The following NSL1 variants were observed in gnomAD, a reference collection of about 807,000 sequenced individuals.
The protein encoded by NSL1 is NSL1 component of MIS12 kinetochore complex, also known as kinetochore-associated protein NSL1 homolog.
NSL1 carries 11 observed loss-of-function variants against 25.4 expected under a neutral mutation model. That is an observed-to-expected ratio of 0.43 (90% CI 0.27 to 0.72). The LOEUF (loss-of-function observed/expected upper bound fraction) is 0.72. NSL1 is among the 30% of genes least tolerant of loss of function. The pLI, the probability that NSL1 is intolerant of heterozygous loss-of-function variation, is 0.19. For missense variants in NSL1, 330 were observed against 342.7 expected, an observed-to-expected ratio of 0.96 and a Z score of 0.29; for synonymous variants, 118 against 120.6, an observed-to-expected ratio of 0.98 and a Z score of 0.14.
Position 212,727,087 on chromosome 1 carries a change from T to C in NSL1, c.*11321A>G. 2 of 1,477,146 alleles carry C rather than the reference T, an allele frequency of 1.4e-6. No homozygotes were observed. Among genetic ancestry groups the C allele is most frequent in the Middle Eastern group, 2.3e-4 (1 of 4,372 alleles). The allele number at this position is 1,477,146 out of a possible 1,614,324, so 91.5% of individuals were successfully genotyped here. A position where few individuals can be genotyped will look rare whatever the true frequency, so the allele number is the denominator to read the frequency against. ...GGGTCACCCAGCTTCATCCTCTTCA[T>C]CTTGCCAGTTCACCAGAGGCAGAAG... On this transcript the variant is annotated 3_prime_UTR_variant, in exon 6 of 6. Coordinates refer to ENST00000366977, the MANE Select transcript of NSL1 (RefSeq NM_015471.4).
Position 212,727,501 on chromosome 1 carries a change from A to C in NSL1, c.*10907T>G. 1 of 985,434 alleles carries C rather than the reference A, an allele frequency of 1.0e-6. No homozygotes were observed. The highest frequency in any genetic ancestry group is 1.2e-6 in the Non-Finnish European group (1 of 829,910). The allele number at this position is 985,434 out of a possible 1,614,324, so 61.0% of individuals were successfully genotyped here. On this transcript the variant is annotated 3_prime_UTR_variant, in exon 6 of 6. Coordinates refer to ENST00000366977, the MANE Select transcript of NSL1 (RefSeq NM_015471.4). ...ACTAAAACGATTCCTTTTGCAATTT[A>C]GGTTAATATCATAACTATACCACTG...
At chr1:212,754,605 C>T (rs753141311) in intron 4 of NSL1, among the ~76,000 whole-genome samples, 56 of 151,750 alleles carry the variant, frequency 3.7e-4, no homozygotes, top group Admixed American at 1.4e-3. Context: ...GGTGAAACCC[C>T]GCCTCTACTA....
At chr1:212,771,287 C>A (rs1181705767) in intron 4 of NSL1, among the ~76,000 whole-genome samples, 1 of 152,152 alleles carries the variant, frequency 6.6e-6, no homozygotes. Flanking sequence ...GGACTCCAGC[C>A]TGGGCAATAA....
intron 4 of NSL1, among the ~76,000 whole-genome samples, chr1:212,780,719 T>G (rs1210896295): frequency 6.6e-6 from 1 of 152,188 alleles, no homozygotes; most frequent in Non-Finnish European, 1.5e-5. Flanking sequence ...TTCGGTAGAT[T>G]ATAAGGTATA....
Position 212,726,906 on chromosome 1 carries a change from G to T in NSL1, c.*11502C>A. ...GCTGGATGGTGTCCCTCCCTCTGAT[G>T]GACACCAGCACAGCACGGACTTTCC... On this transcript the variant is annotated 3_prime_UTR_variant, in exon 6 of 6. Transcript: ENST00000366977. The T allele has an allele frequency of 2.5e-6, 1 of 406,102 alleles. No individual in the cohort carries two copies. The highest frequency in any genetic ancestry group is 4.3e-6 in the Non-Finnish European group (1 of 230,914). The allele number at this position is 406,102 out of a possible 1,614,324, so 25.2% of individuals were successfully genotyped here. A position where few individuals can be genotyped will look rare whatever the true frequency, so the allele number is the denominator to read the frequency against.
intron 4 of NSL1, among the ~76,000 whole-genome samples, chr1:212,778,959 C>T (rs1299986853): frequency 6.6e-6 from 1 of 150,622 alleles, no homozygotes; most frequent in Non-Finnish European, 1.5e-5. Flanking sequence ...GTGAGGAGCG[C>T]CTCTTCCCGG....
intron 4 of NSL1, among the ~76,000 whole-genome samples, chr1:212,747,206 CCA>C (rs976349451): frequency 3.3e-5 from 5 of 152,090 alleles, no homozygotes; most frequent in Non-Finnish European, 7.3e-5. Context: ...CAGTCCTCTC[CCA>C]CAGTGTACTA....
chr1:212,782,487 T>C, intron 3 of NSL1, 61 bp from the exon 4 acceptor site: 1 of 1,133,350 alleles, frequency 8.8e-7, no homozygotes, highest in Non-Finnish European at 1.3e-6. Flanking sequence ...AACATCTCTT[T>C]CAGCTAATAT....
Position 212,736,976 on chromosome 1 carries a change from C to T in NSL1, c.*1432G>A, listed in dbSNP as rs1030991534. 1 of 984,338 alleles carries T rather than the reference C, an allele frequency of 1.0e-6. No individual in the cohort carries two copies. Among genetic ancestry groups the T allele is most frequent in the African/African-American group, 1.7e-5 (1 of 57,188 alleles). The allele number at this position is 984,338 out of a possible 1,614,324, so 61.0% of individuals were successfully genotyped here. A position where few individuals can be genotyped will look rare whatever the true frequency, so the allele number is the denominator to read the frequency against. ...TTGTTTGGGGACCTCTGAAGTGAAACAAATCATACAGAATTTTAATACTAT... is the reference window on the plus strand; with the variant it reads ...TTGTTTGGGGACCTCTGAAGTGAAATAAATCATACAGAATTTTAATACTAT... On this transcript the variant is annotated 3_prime_UTR_variant, in exon 6 of 6. Coordinates refer to ENST00000366977, the MANE Select transcript of NSL1 (RefSeq NM_015471.4).
At chr1:212,784,520 T>C (rs943917239) in intron 2 of NSL1, 27 bp from the exon 3 acceptor site, 15 of 1,430,810 alleles carry the variant, frequency 1.0e-5, no homozygotes, top group Middle Eastern at 2.2e-4. Flanking sequence ...AATGTATATA[T>C]AAAAAGTTCC....
In NSL1 at chr1:212,769,195, T is replaced by A. The variant is rs1356378777; in HGVS notation, c.499+13177A>T. Among the ~76,000 whole-genome samples the A allele has an allele frequency of 2.0e-5, 3 of 152,198 alleles. No homozygotes were observed. In the East Asian group the frequency reaches 5.8e-4, roughly 29 times the overall value. On this transcript the variant is annotated intron_variant, in intron 4 of 5. Transcript: ENST00000366977. ...GATGGGTAAAGGAAAAGAAAATCTA[T>A]TTAACAACATAGTAGCTAAAAACTT...
Position 212,736,709 on chromosome 1 carries a change from T to C in NSL1, c.*1699A>G, listed in dbSNP as rs937316312. ...AAAATATAACCATTTTTTAAAAACT[T>C]ATAAAAATTTCCAACACAAAGTAGA... On this transcript the variant is annotated 3_prime_UTR_variant, in exon 6 of 6. Coordinates refer to ENST00000366977, the MANE Select transcript of NSL1 (RefSeq NM_015471.4). 6 of 984,430 alleles carry C rather than the reference T, an allele frequency of 6.1e-6. No individual in the cohort carries two copies. The highest frequency in any genetic ancestry group is 1.2e-6 in the Non-Finnish European group (1 of 829,104). 61.0% of individuals were successfully genotyped at this position (984,430 alleles called of 1,614,324 possible).
intron 4 of NSL1, among the ~76,000 whole-genome samples, chr1:212,778,816 G>C (rs1373642504): frequency 6.6e-6 from 1 of 151,034 alleles, no homozygotes; most frequent in African/African-American, 2.4e-5. Flanking sequence ...CTGCCCGGCC[G>C]CCACCCCGTC....
intron 1 of NSL1, 113 bp from the exon 2 acceptor site, chr1:212,787,750 A>G: frequency 1.7e-6 from 1 of 598,818 alleles, no homozygotes; most frequent in Admixed American, 3.4e-5. Context: ...AAAGTAGCAG[A>G]ATAGCTAATT....
intron 4 of NSL1, among the ~76,000 whole-genome samples, chr1:212,775,035 G>A (rs916114199): frequency 2.0e-5 from 3 of 152,162 alleles, no homozygotes; most frequent in Admixed American, 2.0e-4. Context: ...CATAGTATAT[G>A]TCCATACAAT....
chr1:212,747,704 A>AT (rs764650965), intron 4 of NSL1, among the ~76,000 whole-genome samples: 8 of 152,218 alleles, frequency 5.3e-5, no homozygotes, highest in Non-Finnish European at 1.2e-4. Flanking sequence ...AGAGCAATAT[A>AT]TTTTCAAAGG....
At chr1:212,764,896 T>G (rs1346267725) in intron 4 of NSL1, among the ~76,000 whole-genome samples, 1 of 106,840 alleles carries the variant, frequency 9.4e-6, no homozygotes, top group Non-Finnish European at 1.9e-5. Context: ...AAAAAGAAAC[T>G]GGAGATATTG....
chr1:212,741,325 T>C (rs1051760158), intron 4 of NSL1, among the ~76,000 whole-genome samples: 1 of 152,238 alleles, frequency 6.6e-6, no homozygotes, highest in Non-Finnish European at 1.5e-5. Context: ...TCAACGAACA[T>C]TTATGATGTA....
chr1:212,731,513 C>A lies in NSL1; in HGVS notation c.*6895G>T, dbSNP rs1658015116. On this transcript the variant is annotated 3_prime_UTR_variant, in exon 6 of 6. Transcript: ENST00000366977. ...CTAGGGGATGATTTGTCTCTTAAACCAAATTTATTTTCCCTTAATTACTAT... is the reference window on the plus strand; with the variant it reads ...CTAGGGGATGATTTGTCTCTTAAACAAAATTTATTTTCCCTTAATTACTAT... 1.0e-6 allele frequency: 1 copy of A among 985,296 alleles called. No individual in the cohort carries two copies. The highest frequency in any genetic ancestry group is 1.2e-6 in the Non-Finnish European group (1 of 829,880). The allele number at this position is 985,296 out of a possible 1,614,324, so 61.0% of individuals were successfully genotyped here. A position where few individuals can be genotyped will look rare whatever the true frequency, so the allele number is the denominator to read the frequency against.
Sources: allele counts gnomAD v4.1 joint callset (sites outside exome capture counted in the v4.1 genomes callset), GRCh38; gene constraint gnomAD v4.1.1; transcripts MANE v1.5; gene names NCBI Gene and HGNC (gene_info 2026-07-23, HGNC 2026-07-21).